RYR2: variants seen among roughly 807,000 people sequenced by gnomAD.
RYR2 encodes the protein ryanodine receptor 2.
A neutral mutation model predicts 601.1 loss-of-function variants in RYR2; 227 were observed. The ratio of observed to expected loss-of-function variants is 0.38; its 90% CI spans 0.34 to 0.42. The LOEUF (loss-of-function observed/expected upper bound fraction) is 0.42, where lower values mean the gene tolerates loss of function less well. Among genes scored for constraint, RYR2 ranks in the 10% least tolerant of loss-of-function variants. The probability of loss-of-function intolerance (pLI) is 1.00; values close to 1 mark genes in which losing one functional copy is unlikely to be tolerated. For synonymous variants in RYR2, 2,223 were observed against 2,175.1 expected (o/e 1.02, Z -0.61); for missense variants, 4,646 against 6,156.5 (o/e 0.75, Z 8.21).
Position 237,500,729 on chromosome 1 carries a change from T to G in RYR2, c.2222T>G (p.Val741Gly), listed in dbSNP as rs768486332. Residue 741 changes from valine (V) to glycine (G), a missense_variant, in exon 21 of 105, where the codon GTA becomes GGA. By Grantham distance (109) the Val-to-Gly change is moderately radical. This residue lies in a region of RYR2 where 1,807 missense variants were observed against 2,088.1 expected (regional missense o/e 0.87). Coordinates refer to ENST00000366574, the MANE Select transcript of RYR2 (RefSeq NM_001035.3). ...HLWSGCIART[V>G]SSPNQHLLRT... ...CCAATAGGTTGTATTGCTCGTACTG[T>G]AAGCTCACCAAACCAACATCTGTTA... is the stretch of plus-strand genomic sequence containing the variant. 6.2e-7 allele frequency: 1 copy of G among 1,610,646 alleles called. No individual in the cohort carries two copies. The highest frequency in any genetic ancestry group is 8.5e-7 in the Non-Finnish European group (1 of 1,177,224).
chr1:237,407,343 G>A (rs1015158517), intron 10 of RYR2, among the ~76,000 whole-genome samples: 17 of 141,130 alleles, frequency 1.2e-4, no homozygotes, highest in Non-Finnish European at 2.1e-4. Context: ...CCTATGGTAA[G>A]AGTATGTTTA....
intron 87 of RYR2, among the ~76,000 whole-genome samples, chr1:237,773,942 G>A (rs1694457548): frequency 1.3e-5 from 2 of 152,136 alleles, no homozygotes; most frequent in African/African-American, 4.8e-5. Context: ...AAGGAAGGGC[G>A]AGCAGGCACA....
chr1:237,540,003 T>C (rs895182717), intron 25 of RYR2, among the ~76,000 whole-genome samples: 7 of 152,080 alleles, frequency 4.6e-5, no homozygotes, highest in Non-Finnish European at 1.0e-4. Context: ...GGATGATTCG[T>C]TGTAGTTTTT....
chr1:237,521,282 C>T (rs1667058725), intron 24 of RYR2, among the ~76,000 whole-genome samples: 1 of 152,192 alleles, frequency 6.6e-6, no homozygotes, highest in Admixed American at 6.5e-5. Flanking sequence ...CCCTGATTAA[C>T]ATAGACACAA....
Position 237,686,308 on chromosome 1 carries a change from G to C in RYR2, c.9018-1147G>C, listed in dbSNP as rs565765465. Among the ~76,000 whole-genome samples the C allele has an allele frequency of 7.9e-5, 12 of 152,304 alleles. No individual in the cohort carries two copies. In the South Asian group the frequency reaches 2.5e-3, roughly 32 times the overall value. On this transcript the variant is annotated intron_variant, in intron 62 of 104. Coordinates refer to ENST00000366574, the MANE Select transcript of RYR2 (RefSeq NM_001035.3). ...GTAGAGCCTGTGCTCTCTGAGAGCT[G>C]AGAAGAGCGTGAGTAGATTTGAAAA...
chr1:237,380,320 G>A (rs1479871423), intron 8 of RYR2, among the ~76,000 whole-genome samples: 1 of 133,170 alleles, frequency 7.5e-6, no homozygotes, highest in African/African-American at 2.9e-5. Context: ...AAGTTGGGCT[G>A]TGTGTATATA....
At chr1:237,476,229 G>A (rs1393216984) in intron 17 of RYR2, among the ~76,000 whole-genome samples, 1 of 152,156 alleles carries the variant, frequency 6.6e-6, no homozygotes, top group Non-Finnish European at 1.5e-5. Flanking sequence ...AGTCTTTGAG[G>A]CTGGTCGTGG....
At chr1:237,473,431 C>CTTTCTTTATT (rs1466932341) in intron 17 of RYR2, among the ~76,000 whole-genome samples, 1 of 115,772 alleles carries the variant, frequency 8.6e-6, no homozygotes, top group East Asian at 3.0e-4. Flanking sequence ...CTCTCTCTCT[C>CTTTCTTTATT]TCTTTCTTTC....
chr1:237,163,902 G>A (rs1328799399), intron 1 of RYR2, among the ~76,000 whole-genome samples: 3 of 152,354 alleles, frequency 2.0e-5, no homozygotes, highest in South Asian at 2.1e-4. Flanking sequence ...GGCTGCTGAC[G>A]GAGGCTCTGC....
rs1328999487 is a variant in RYR2 at position 237,759,756 on chromosome 1, G to T, written c.11326-20G>T. On this transcript the variant is annotated intron_variant, in intron 82 of 104. Coordinates refer to ENST00000366574, the MANE Select transcript of RYR2 (RefSeq NM_001035.3). ...TAAGATTTTTGTTCAGTGGCCACGT[G>T]GTTTCTATAATTCCCATAGAAAATG... The T allele has an allele frequency of 2.0e-6, 3 of 1,516,278 alleles. No homozygotes were observed. Among genetic ancestry groups the T allele is most frequent in the African/African-American group, 2.7e-5 (2 of 72,916 alleles). The allele number at this position is 1,516,278 out of a possible 1,614,324, so 93.9% of individuals were successfully genotyped here. A position where few individuals can be genotyped will look rare whatever the true frequency, so the allele number is the denominator to read the frequency against.
intron 1 of RYR2, among the ~76,000 whole-genome samples, chr1:237,085,814 T>TA (rs1451184381): frequency 6.6e-6 from 1 of 152,182 alleles, no homozygotes; most frequent in Non-Finnish European, 1.5e-5. Context: ...AGTACAGTGT[T>TA]ATGATCACAG....
chr1:237,098,383 GTGTA>G (rs71178389), intron 1 of RYR2, among the ~76,000 whole-genome samples: 46,763 of 110,938 alleles, frequency 0.42, 7,675 homozygotes, highest in Middle Eastern at 0.54. Context: ...TTGCCATTGT[GTGTA>G]TGTGTGTGTG....
intron 3 of RYR2, among the ~76,000 whole-genome samples, chr1:237,352,113 G>C (rs980937577): frequency 6.6e-6 from 1 of 151,638 alleles, no homozygotes; most frequent in Non-Finnish European, 1.5e-5. Context: ...TTAGTAAGTC[G>C]GCATGTAAGA....
At chr1:237,407,617 T>A (rs945287226) in intron 10 of RYR2, among the ~76,000 whole-genome samples, 2 of 150,862 alleles carry the variant, frequency 1.3e-5, no homozygotes, top group African/African-American at 4.9e-5. Flanking sequence ...TTGTTTTTTT[T>A]TTTTTTTTTT....
intron 1 of RYR2, among the ~76,000 whole-genome samples, chr1:237,069,041 G>A (rs1378023098): frequency 2.6e-5 from 4 of 152,164 alleles, no homozygotes; most frequent in Non-Finnish European, 1.5e-5. Context: ...GATGGGTGGA[G>A]GAAAATAGCT....
intron 27 of RYR2, among the ~76,000 whole-genome samples, chr1:237,561,299 T>G (rs1671431698): frequency 6.6e-6 from 1 of 152,166 alleles, no homozygotes; most frequent in African/African-American, 2.4e-5. Context: ...GTTTACTATG[T>G]GCCAGGATAT....
At chr1:237,113,959 C>T (rs1008630112) in intron 1 of RYR2, among the ~76,000 whole-genome samples, 1 of 152,210 alleles carries the variant, frequency 6.6e-6, no homozygotes, top group Non-Finnish European at 1.5e-5. Context: ...CTTGACATGA[C>T]GTCGCTCCAA....
chr1:237,488,153 C>T (rs1450506745), intron 17 of RYR2, among the ~76,000 whole-genome samples: 4 of 152,048 alleles, frequency 2.6e-5, no homozygotes, highest in Admixed American at 2.0e-4. Context: ...ATTTATTGGT[C>T]TTCGTCTTAA....
chr1:237,617,100 A>G (rs1214900328), intron 37 of RYR2, among the ~76,000 whole-genome samples, 186 bp from the exon 38 acceptor site: 1 of 152,136 alleles, frequency 6.6e-6, no homozygotes. Context: ...TTTGTTTGCC[A>G]TTTTTGCTTA....
Sources: gnomAD v4.1 joint callset for allele counts (sites outside exome capture counted in the v4.1 genomes callset) on GRCh38, gnomAD v4.1.1 for gene constraint, gnomAD v4.1.1 regional missense constraint, MANE v1.5 for transcripts, NCBI Gene and HGNC (gene_info 2026-07-23, HGNC 2026-07-21) for gene names.